The following C8orf34 variants were observed in gnomAD, a reference collection of about 807,000 sequenced individuals.
C8orf34 encodes uncharacterized protein C8orf34.
Under a neutral mutation model 68.3 loss-of-function variants are expected in C8orf34, and 65 were observed. The ratio of observed to expected loss-of-function variants is 0.95; its 90% confidence interval spans 0.78 to 1.17. The LOEUF (loss-of-function observed/expected upper bound fraction) is 1.17, where lower values mean the gene tolerates loss of function less well. Among genes scored for constraint, C8orf34 ranks in the 50% most tolerant of loss-of-function variants. The pLI is 0.00. For missense variants in C8orf34, 664 were observed against 655.4 expected (o/e 1.01, Z -0.14); for synonymous variants, 244 against 241.2 (o/e 1.01, Z -0.11).
At chr8:68,782,304 T>G (rs1585874380) in intron 11 of C8orf34, among the ~76,000 whole-genome samples, 1 of 152,300 alleles carries the variant, frequency 6.6e-6, no homozygotes, top group South Asian at 2.1e-4. Context: ...TTTTTACATT[T>G]ATGCTGTTTT....
rs550953886 is a variant in C8orf34 at position 68,560,037 on chromosome 8, G to A, written c.1105+26888G>A. Among the ~76,000 whole-genome samples, 371 of 152,260 alleles carry A rather than the reference G, an allele frequency of 2.4e-3. 2 individuals are homozygous for A. Among genetic ancestry groups the A allele is most frequent in the African/African-American group, 8.6e-3 (358 of 41,564 alleles). ...GGAATACTGAGGGTGATGAAGCTGG[G>A]AAGATCTGCTGAGGTCAGAATGGGA... On this transcript the variant is annotated intron_variant, in intron 7 of 13. Transcript: ENST00000518698.
At chr8:68,374,734 A>G (rs1481711238) in intron 1 of C8orf34, among the ~76,000 whole-genome samples, 2 of 152,178 alleles carry the variant, frequency 1.3e-5, no homozygotes, top group Non-Finnish European at 2.9e-5. Flanking sequence ...TAATTGGCCC[A>G]AGGTTGCATC....
intron 10 of C8orf34, among the ~76,000 whole-genome samples, chr8:68,775,800 A>G (rs1420256841): frequency 1.3e-5 from 2 of 152,328 alleles, no homozygotes; most frequent in East Asian, 3.9e-4. Context: ...TAGTTACTCT[A>G]GCTGCTCATT....
At chr8:68,563,314 G>GTATTTGAAAA (rs1440759850) in intron 7 of C8orf34, among the ~76,000 whole-genome samples, 3 of 152,042 alleles carry the variant, frequency 2.0e-5, no homozygotes, top group Non-Finnish European at 4.4e-5. Flanking sequence ...TTGAAAAGCT[G>GTATTTGAAAA]TCCTTTCAGA....
chr8:68,404,569 G>A (rs1279339905), intron 1 of C8orf34, among the ~76,000 whole-genome samples: 1 of 152,062 alleles, frequency 6.6e-6, no homozygotes, highest in Non-Finnish European at 1.5e-5. Flanking sequence ...TAAGGAAGGG[G>A]CTCAGTTTCA....
chr8:68,784,802 A>ATGTGTGTG (rs113788548), intron 11 of C8orf34, among the ~76,000 whole-genome samples: 11 of 144,500 alleles, frequency 7.6e-5, no homozygotes, highest in Middle Eastern at 3.5e-3. Flanking sequence ...ATGTGTGTGT[A>ATGTGTGTG]TGTGTGTGTG....
intron 10 of C8orf34, among the ~76,000 whole-genome samples, chr8:68,761,064 C>A (rs1823010800): frequency 6.6e-6 from 1 of 152,310 alleles, no homozygotes; most frequent in East Asian, 1.9e-4. Context: ...GGATAAAGGC[C>A]AATTTCCTTA....
chr8:68,808,072 A>C (rs2129529818), intron 12 of C8orf34, among the ~76,000 whole-genome samples: 1 of 152,258 alleles, frequency 6.6e-6, no homozygotes, highest in African/African-American at 2.4e-5. Flanking sequence ...AGATACCTTT[A>C]GAGGAAGCAT....
At chr8:68,461,826 A>G (rs960407056) in intron 3 of C8orf34, among the ~76,000 whole-genome samples, 5 of 152,208 alleles carry the variant, frequency 3.3e-5, no homozygotes, top group East Asian at 3.9e-4. Context: ...AGTACCAGCC[A>G]CTGCAAAATC....
intron 7 of C8orf34, among the ~76,000 whole-genome samples, chr8:68,540,063 T>C (rs529660340): frequency 2.2e-4 from 34 of 152,222 alleles, no homozygotes; most frequent in African/African-American, 7.2e-4. Flanking sequence ...AATGAAAATC[T>C]TATGATTTTT....
At position 68,458,495 on chromosome 8, in the gene C8orf34, A is replaced by T. The variant is rs537058577; in HGVS notation, c.608-10197A>T. Among the ~76,000 whole-genome samples the T allele has an allele frequency of 5.3e-5, 8 of 152,340 alleles. 1 individual carries two copies. Among genetic ancestry groups the T allele is most frequent in the Middle Eastern group, 3.4e-3 (1 of 294 alleles). The stretch of plus-strand genomic sequence containing the variant: ...AGTTCTTATTTTGTAAATTAAAAAG[A>T]AAATATGAAGAGAGACCTTGATAAC... On this transcript the variant is annotated intron_variant, in intron 3 of 13. Transcript: ENST00000518698.
intron 5 of C8orf34, among the ~76,000 whole-genome samples, chr8:68,503,537 G>A (rs547344736): frequency 6.6e-6 from 1 of 152,110 alleles, no homozygotes; most frequent in Non-Finnish European, 1.5e-5. Context: ...AAAAGTTTTA[G>A]ATCATAGGTA....
At chr8:68,772,954 T>C (rs1823397120) in intron 10 of C8orf34, among the ~76,000 whole-genome samples, 1 of 151,916 alleles carries the variant, frequency 6.6e-6, no homozygotes, top group Non-Finnish European at 1.5e-5. Flanking sequence ...CACATGCTCC[T>C]GTCTGCCTCT....
At chr8:68,404,022 T>A (rs1385028140) in intron 1 of C8orf34, among the ~76,000 whole-genome samples, 5 of 152,212 alleles carry the variant, frequency 3.3e-5, no homozygotes, top group Admixed American at 2.0e-4. Context: ...TTTCTCCACA[T>A]CCTCTCCAAC....
intron 4 of C8orf34, among the ~76,000 whole-genome samples, chr8:68,479,091 A>G (rs1812745638): frequency 6.6e-6 from 1 of 152,184 alleles, no homozygotes; most frequent in African/African-American, 2.4e-5. Context: ...TAGAAGAGAA[A>G]AGATGCAATT....
intron 1 of C8orf34, among the ~76,000 whole-genome samples, chr8:68,337,830 T>C (rs1209931123): frequency 6.6e-6 from 1 of 152,226 alleles, no homozygotes; most frequent in African/African-American, 2.4e-5. Context: ...TCTGGTTAAC[T>C]AAGCATATGC....
At chr8:68,732,173 T>C (rs1821996483) in intron 10 of C8orf34, among the ~76,000 whole-genome samples, 1 of 152,238 alleles carries the variant, frequency 6.6e-6, no homozygotes, top group South Asian at 2.1e-4. Flanking sequence ...TTAAAGTATA[T>C]GAACTATTTT....
intron 7 of C8orf34, among the ~76,000 whole-genome samples, chr8:68,634,704 AT>A (rs1563575842): frequency 6.6e-6 from 1 of 152,128 alleles, no homozygotes; most frequent in Non-Finnish European, 1.5e-5. Flanking sequence ...ACCAAACCAA[AT>A]TTTTTATGGT....
intron 10 of C8orf34, among the ~76,000 whole-genome samples, chr8:68,745,470 G>A (rs1320120173): frequency 6.6e-6 from 1 of 152,132 alleles, no homozygotes; most frequent in Non-Finnish European, 1.5e-5. Flanking sequence ...ACCCATCAGT[G>A]TGCTGTATTC....
Sources: allele counts gnomAD v4.1 joint callset (sites outside exome capture counted in the v4.1 genomes callset), GRCh38; gene constraint gnomAD v4.1.1; transcripts MANE v1.5; gene names NCBI Gene and HGNC (gene_info 2026-07-23, HGNC 2026-07-21).